The following ISY1 variants were observed in gnomAD, a reference collection of about 807,000 sequenced individuals.
The protein encoded by ISY1 is pre-mRNA-splicing factor ISY1 homolog.
A neutral mutation model predicts 54.4 loss-of-function variants in ISY1; 12 were observed. That is an observed-to-expected ratio of 0.22 (90% CI 0.14 to 0.36). ISY1 has a LOEUF of 0.36. ISY1 is among the 10% of genes least tolerant of loss of function. The pLI is 1.00. For synonymous variants in ISY1, 96 were observed against 117.9 expected, an observed-to-expected ratio of 0.81 and a Z score of 1.20; for missense variants, 282 against 342.2, an observed-to-expected ratio of 0.82 and a Z score of 1.39.
At chr3:129,149,584 T>TAAAA (rs149839273) in intron 5 of ISY1, among the ~76,000 whole-genome samples, 1 of 16,680 alleles carries the variant, frequency 6.0e-5, no homozygotes, top group African/African-American at 2.3e-4. Flanking sequence ...CCGTCTCTAC[T>TAAAA]AAAAAAAAAA....
intron 5 of ISY1, among the ~76,000 whole-genome samples, chr3:129,152,506 C>T (rs988015806): frequency 1.3e-5 from 2 of 151,852 alleles, no homozygotes; most frequent in African/African-American, 4.8e-5. Flanking sequence ...CGGGTTCCAG[C>T]GATTCGCCTG....
At chr3:129,153,131 T>C (rs1380717344) in intron 5 of ISY1, among the ~76,000 whole-genome samples, 3 of 151,258 alleles carry the variant, frequency 2.0e-5, no homozygotes, top group Non-Finnish European at 2.9e-5. Context: ...TGCCTCAGCC[T>C]CCCAAGTAGC....
intron 6 of ISY1, among the ~76,000 whole-genome samples, chr3:129,142,313 T>A (rs1411353674): frequency 6.6e-6 from 1 of 152,046 alleles, no homozygotes; most frequent in Non-Finnish European, 1.5e-5. Context: ...TTGGGAAAAC[T>A]GATGAAATGC....
rs376044009 is a variant in ISY1 at position 129,133,260 on chromosome 3, T to C, written c.663+814A>G. On this transcript the variant is annotated intron_variant, in intron 9 of 10. Transcript: ENST00000393295. ...ATAATAAAAAGTAATAACTAAGATA[T>C]ATAATGAGTATTTCCTATAAATCAG... is the stretch of plus-strand genomic sequence containing the variant. 2.4e-4 allele frequency among the ~76,000 whole-genome samples: 36 copies of C among 152,344 alleles called. 3 individuals are homozygous for C. The highest frequency in any genetic ancestry group is 1.7e-3 in the South Asian group (8 of 4,824).
At chr3:129,145,224 ATT>A (rs35391482) in intron 6 of ISY1, among the ~76,000 whole-genome samples, 116,412 of 137,382 alleles carry the variant, frequency 0.85, 49,993 homozygotes, top group Non-Finnish European at 0.94. Flanking sequence ...GACCATAGTC[ATT>A]TTTTTTTTTT....
intron 9 of ISY1, among the ~76,000 whole-genome samples, chr3:129,130,942 C>G (rs1936221015): frequency 6.6e-6 from 1 of 152,200 alleles, no homozygotes; most frequent in Non-Finnish European, 1.5e-5. Context: ...TTCTTTTTCA[C>G]TTTTGAACCT....
At chr3:129,139,212 G>A (rs1936531852) in intron 7 of ISY1, among the ~76,000 whole-genome samples, 1 of 152,070 alleles carries the variant, frequency 6.6e-6, no homozygotes, top group Admixed American at 6.6e-5. Context: ...TGGGATTACA[G>A]GCATGAGCCA....
chr3:129,155,322 G>A (rs1283069386), intron 5 of ISY1, among the ~76,000 whole-genome samples: 1 of 151,810 alleles, frequency 6.6e-6, no homozygotes, highest in Non-Finnish European at 1.5e-5. Flanking sequence ...AGCCTCCTGA[G>A]TAGCTGGGAT....
In ISY1 at chr3:129,159,183, A is replaced by G. The variant is rs370933547; in HGVS notation, c.4-7T>C. The G allele has an allele frequency of 1.9e-5, 30 of 1,596,730 alleles. No individual in the cohort carries two copies. The African/African-American group carries it at 3.3e-4, about 17-fold the overall frequency. On this transcript the variant is annotated splice_polypyrimidine_tract_variant and splice_region_variant and intron_variant, in intron 1 of 10. Transcript: ENST00000393295. ...CCTTTTCTGCATTTCGGGCCTGGAAAGAGAGAAAAGAGAAGAAAAATGTCC... is the reference window on the plus strand; with the variant it reads ...CCTTTTCTGCATTTCGGGCCTGGAAGGAGAGAAAAGAGAAGAAAAATGTCC...
In ISY1 at chr3:129,138,463, G is replaced by A. The variant is rs145890761; in HGVS notation, c.418+1905C>T. Among the ~76,000 whole-genome samples, 493 of 151,294 alleles carry A rather than the reference G, an allele frequency of 3.3e-3. 3 individuals carry two copies. Among genetic ancestry groups the A allele is most frequent in the African/African-American group, 0.012 (478 of 41,236 alleles). On this transcript the variant is annotated intron_variant, in intron 7 of 10. Coordinates refer to ENST00000393295, the MANE Select transcript of ISY1 (RefSeq NM_020701.4). ...ATCCTGGCTAACACGGTGAAACCCC[G>A]TCTCTACTAAAAATACAAAAAAAAA...
At chr3:129,156,603 C>A in intron 5 of ISY1, 30 bp downstream of exon 5, 1 of 1,607,814 alleles carries the variant, frequency 6.2e-7, no homozygotes, top group Non-Finnish European at 8.5e-7. Flanking sequence ...ATTTGAGAAT[C>A]AAGCACTTTA....
intron 7 of ISY1, among the ~76,000 whole-genome samples, chr3:129,139,911 G>T (rs555422616): frequency 1.4e-4 from 22 of 152,164 alleles, no homozygotes; most frequent in African/African-American, 5.1e-4. Flanking sequence ...CAAAGTGCTG[G>T]GATTACAGGC....
chr3:129,128,805 C>A lies in ISY1; in HGVS notation c.*1276G>T. 6.5e-6 allele frequency: 1 copy of A among 152,894 alleles called. No individual in the cohort carries two copies. The allele number at this position is 152,894 out of a possible 1,614,324, so 9.5% of individuals were successfully genotyped here. A position where few individuals can be genotyped will look rare whatever the true frequency, so the allele number is the denominator to read the frequency against. Reference sequence around the variant, plus strand: ...CTGACCCTGAGTTCCCAGACACTCCCATGACCCTGCAGAGGGCAGGAAGCC... The same window carrying A: ...CTGACCCTGAGTTCCCAGACACTCCAATGACCCTGCAGAGGGCAGGAAGCC... On this transcript the variant is annotated 3_prime_UTR_variant, in exon 11 of 11. Transcript: ENST00000393295.
intron 5 of ISY1, among the ~76,000 whole-genome samples, chr3:129,153,405 A>C (rs971457495): frequency 6.6e-6 from 1 of 152,194 alleles, no homozygotes; most frequent in African/African-American, 2.4e-5. Flanking sequence ...TAGTTTATTT[A>C]GGATAATTAT....
chr3:129,138,452 G>A (rs570626832), intron 7 of ISY1, among the ~76,000 whole-genome samples: 98 of 151,594 alleles, frequency 6.5e-4, no homozygotes, highest in African/African-American at 2.3e-3. Context: ...TGGCTAACAC[G>A]GTGAAACCCC....
intron 7 of ISY1, among the ~76,000 whole-genome samples, chr3:129,138,630 C>G (rs956721952): frequency 6.6e-6 from 1 of 151,410 alleles, no homozygotes; most frequent in Non-Finnish European, 1.5e-5. Context: ...GGTGACAGAG[C>G]GAGACTCCAT....
chr3:129,156,663 T>A lies in ISY1; in HGVS notation c.157A>T (p.Ile53Phe), dbSNP rs754887723. 43 of 1,611,330 alleles carry A rather than the reference T, an allele frequency of 2.7e-5. No homozygotes were observed. The highest frequency in any genetic ancestry group is 3.4e-5 in the Non-Finnish European group (40 of 1,178,958). The change falls in exon 5 of 11, where the codon ATC becomes TTC. Residue 53 changes from isoleucine to phenylalanine, a missense_variant. Physicochemically the swap from Ile to Phe is conservative, Grantham distance 21. This residue lies in a region of ISY1 where 279 missense variants were observed against 323.6 expected (regional missense o/e 0.86). Coordinates refer to ENST00000393295, the MANE Select transcript of ISY1 (RefSeq NM_020701.4). ...EKWRRQIIGE[I>F]SKKVAQIQNA... Reference sequence around the variant, plus strand: ...TGAATCTGAGCCACTTTTTTAGAGATCTCTCCAATGATCTATTAAAAAAAA... The same window carrying A: ...TGAATCTGAGCCACTTTTTTAGAGAACTCTCCAATGATCTATTAAAAAAAA...
At chr3:129,141,794 T>C (rs1936624946) in intron 6 of ISY1, among the ~76,000 whole-genome samples, 2 of 151,494 alleles carry the variant, frequency 1.3e-5, no homozygotes, top group South Asian at 4.2e-4. Context: ...AATAAATAAA[T>C]AAAGATAAAA....
rs1021656916 is a variant in ISY1, at chr3:129,141,571, G to C, written c.301-1086C>G. ...AGACCGAGACCATCCTGGCTAACAT[G>C]GTGAAACCCCGTCTCTACTATAAAT... On this transcript the variant is annotated intron_variant, in intron 6 of 10. Coordinates refer to ENST00000393295, the MANE Select transcript of ISY1 (RefSeq NM_020701.4). Among the ~76,000 whole-genome samples, 16 of 151,936 alleles carry C rather than the reference G, an allele frequency of 1.1e-4. No individual in the cohort carries two copies. The East Asian group carries it at 2.5e-3, about 24-fold the overall frequency.
Sources: allele counts gnomAD v4.1 joint callset (sites outside exome capture counted in the v4.1 genomes callset), GRCh38; gene constraint gnomAD v4.1.1; regional missense constraint gnomAD v4.1.1; transcripts MANE v1.5; gene names NCBI Gene and HGNC (gene_info 2026-07-23, HGNC 2026-07-21).